ANKRD28: variants seen among roughly 807,000 people sequenced by gnomAD.
ANKRD28 encodes the protein ankyrin repeat domain 28.
Under a neutral mutation model 126.5 loss-of-function variants are expected in ANKRD28, and 44 were observed. The observed-to-expected ratio is 0.35, with a 90% confidence interval of 0.27 to 0.45. The LOEUF (loss-of-function observed/expected upper bound fraction) is 0.45, where lower values mean the gene tolerates loss of function less well. Ranked by LOEUF, ANKRD28 falls within the 20% of genes least tolerant of loss-of-function variation. The pLI, the probability that ANKRD28 is intolerant of heterozygous loss-of-function variation, is 1.00. For missense variants in ANKRD28, 1,110 were observed against 1,316.6 expected (o/e 0.84, Z 2.43); for synonymous variants, 442 against 468.5 (o/e 0.94, Z 0.73).
chr3:15,739,025 G>C (rs1171093831), intron 4 of ANKRD28, among the ~76,000 whole-genome samples: 1 of 152,138 alleles, frequency 6.6e-6, no homozygotes, highest in East Asian at 1.9e-4. Flanking sequence ...GTTCCGCCCG[G>C]CTCTCAGGCA....
At chr3:15,859,529 G>A in exon 1 of ANKRD28, 1 of 855,214 alleles carries the variant, frequency 1.2e-6, no homozygotes, top group Non-Finnish European at 1.6e-6. Flanking sequence ...GTCCGCGGCC[G>A]ACTGCGCTGA....
chr3:15,737,138 A>G lies in ANKRD28; in HGVS notation c.447T>C (p.Ala149=). The change falls in exon 5 of 28, where the codon GCT becomes GCC. Residue 149 remains alanine, a synonymous_variant. Transcript: ENST00000683139. ...GTACCAAAGCTTCAGCACACTTTACAGCTTTATTAGCAGCAGCTATATGTA... is the reference window on the plus strand; with the variant it reads ...GTACCAAAGCTTCAGCACACTTTACGGCTTTATTAGCAGCAGCTATATGTA... The part of the protein sequence containing the change: ...TPLHIAAANK[A]VKCAEALVPL... 1 of 1,614,026 alleles carries G rather than the reference A, an allele frequency of 6.2e-7. No homozygotes were observed. The highest frequency in any genetic ancestry group is 8.5e-7 in the Non-Finnish European group (1 of 1,179,892).
chr3:15,680,485 G>A (rs996444872), intron 21 of ANKRD28, among the ~76,000 whole-genome samples: 25 of 152,050 alleles, frequency 1.6e-4, no homozygotes, highest in African/African-American at 6.0e-4. Flanking sequence ...GGGATTACAG[G>A]TGTGAGCCAC....
intron 2 of ANKRD28, among the ~76,000 whole-genome samples, chr3:15,772,475 T>C (rs2059065570): frequency 6.6e-6 from 1 of 152,030 alleles, no homozygotes; most frequent in South Asian, 2.1e-4. Flanking sequence ...CATAAATATC[T>C]TCAACTAAAT....
chr3:15,840,699 T>C (rs905918952), intron 1 of ANKRD28, among the ~76,000 whole-genome samples: 30 of 152,146 alleles, frequency 2.0e-4, no homozygotes, highest in African/African-American at 7.0e-4. Context: ...GACACATAGA[T>C]CAGTGGAACA....
At chr3:15,727,848 C>T (rs1403939920) in intron 6 of ANKRD28, among the ~76,000 whole-genome samples, 1 of 152,100 alleles carries the variant, frequency 6.6e-6, no homozygotes, top group East Asian at 1.9e-4. Flanking sequence ...TGAGTAAAGA[C>T]AGTGGTTTTG....
At chr3:15,769,525 A>G (rs1404624548) in intron 2 of ANKRD28, among the ~76,000 whole-genome samples, 2 of 152,208 alleles carry the variant, frequency 1.3e-5, no homozygotes, top group African/African-American at 4.8e-5. Flanking sequence ...AATGCTAGTA[A>G]CAACTTAAAT....
chr3:15,753,283 A>G (rs1164454694), intron 3 of ANKRD28, among the ~76,000 whole-genome samples: 1 of 152,256 alleles, frequency 6.6e-6, no homozygotes, highest in Non-Finnish European at 1.5e-5. Context: ...GCCTAATCAC[A>G]GTAATGCCAA....
In ANKRD28 at chr3:15,812,658, G is replaced by A. The variant is rs2060740709; in HGVS notation, c.28-17352C>T. 6.6e-6 allele frequency among the ~76,000 whole-genome samples: 1 copy of A among 152,178 alleles called. No homozygotes were observed. Among genetic ancestry groups the A allele is most frequent in the Admixed American group, 6.5e-5 (1 of 15,276 alleles). ...GGAACAGAATTAGGATAGGGGCATT[G>A]TTAAAATTCATCTAAAGCCTTTATT... On this transcript the variant is annotated intron_variant, in intron 1 of 27. Transcript: ENST00000399451. This position sits in a 1 kb window ranked among gnomAD's most constrained non-coding sequence, Gnocchi z 4.1.
intron 1 of ANKRD28, among the ~76,000 whole-genome samples, chr3:15,804,473 GA>G (rs2060535027): frequency 6.9e-6 from 1 of 145,692 alleles, no homozygotes; most frequent in Non-Finnish European, 1.5e-5. Context: ...CTGCTAGTTA[GA>G]ACATTCCATG....
At chr3:15,777,861 C>CACACACACAA (rs2059360543) in intron 2 of ANKRD28, among the ~76,000 whole-genome samples, 4 of 109,724 alleles carry the variant, frequency 3.6e-5, no homozygotes, top group Non-Finnish European at 5.4e-5. Flanking sequence ...CACACACACA[C>CACACACACAA]ACACACACAC....
intron 1 of ANKRD28, among the ~76,000 whole-genome samples, chr3:15,842,101 G>GAT (rs1280707232): frequency 2.0e-5 from 3 of 147,800 alleles, no homozygotes. Context: ...TATAATAATT[G>GAT]ATATATAATA....
chr3:15,754,311 C>A (rs2058041233), intron 3 of ANKRD28, among the ~76,000 whole-genome samples: 1 of 152,156 alleles, frequency 6.6e-6, no homozygotes, highest in Admixed American at 6.5e-5. Flanking sequence ...TTCACCCTTT[C>A]CTTATGGGAC....
At chr3:15,785,763 T>C (rs1301289046) in intron 2 of ANKRD28, among the ~76,000 whole-genome samples, 3 of 152,116 alleles carry the variant, frequency 2.0e-5, no homozygotes, top group Non-Finnish European at 4.4e-5. Context: ...TGGAAGTTTA[T>C]AGTAGCTTTA....
At chr3:15,791,028 A>G (rs377663680) in intron 2 of ANKRD28, among the ~76,000 whole-genome samples, 5 of 152,154 alleles carry the variant, frequency 3.3e-5, no homozygotes, top group Admixed American at 3.3e-4. Flanking sequence ...AATCCTGTTT[A>G]CAATAGCCAT....
chr3:15,717,684 G>A (rs1160949170), intron 8 of ANKRD28, among the ~76,000 whole-genome samples: 1 of 152,058 alleles, frequency 6.6e-6, no homozygotes, highest in Admixed American at 6.6e-5. Context: ...ATTTTGCTTA[G>A]CTGACCAAAA....
intron 14 of ANKRD28, among the ~76,000 whole-genome samples, chr3:15,701,876 G>A (rs1444560369): frequency 6.6e-6 from 1 of 152,022 alleles, no homozygotes; most frequent in African/African-American, 2.4e-5. Flanking sequence ...TCACTGGGAT[G>A]CAGAAAAAGC....
chr3:15,779,171 A>G (rs891017938), intron 2 of ANKRD28, among the ~76,000 whole-genome samples: 9 of 152,198 alleles, frequency 5.9e-5, no homozygotes, highest in Admixed American at 5.9e-4. Context: ...GACCATCTTA[A>G]AAGTCTGCCT....
intron 14 of ANKRD28, 120 bp from the exon 15 acceptor site, chr3:15,696,365 A>G (rs1383064557): frequency 1.6e-6 from 1 of 608,870 alleles, no homozygotes; most frequent in Non-Finnish European, 2.8e-6. Context: ...TAAAAATCAT[A>G]AATGTATTAC....
Sources: allele counts gnomAD v4.1 joint callset (sites outside exome capture counted in the v4.1 genomes callset), GRCh38; gene constraint gnomAD v4.1.1; non-coding constraint Gnocchi (gnomAD v3.1); transcripts MANE v1.5; gene names NCBI Gene and HGNC (gene_info 2026-07-23, HGNC 2026-07-21).